Variants in DOK5 observed in about 807,000 individuals in gnomAD.
DOK5 encodes downstream of tyrosine kinase 5.
DOK5 carries 27 observed loss-of-function variants against 43.3 expected under a neutral mutation model. That is an observed-to-expected ratio of 0.62 (90% CI 0.46 to 0.86). The LOEUF (loss-of-function observed/expected upper bound fraction) is 0.86. Among genes scored for constraint, DOK5 ranks in the 40% least tolerant of loss-of-function variants. The pLI, the probability that DOK5 is intolerant of heterozygous loss-of-function variation, is 0.00. For synonymous variants in DOK5, 146 were observed against 140.1 expected, an observed-to-expected ratio of 1.04 and a Z score of -0.30; for missense variants, 373 against 392.9, an observed-to-expected ratio of 0.95 and a Z score of 0.43.
intron 1 of DOK5, among the ~76,000 whole-genome samples, chr20:54,530,560 C>T (rs1343727493): frequency 6.6e-6 from 1 of 152,170 alleles, no homozygotes; most frequent in Non-Finnish European, 1.5e-5. Context: ...TCTCTACTTC[C>T]CATGACCTGT....
intron 7 of DOK5, among the ~76,000 whole-genome samples, chr20:54,645,272 A>G (rs886556354): frequency 3.4e-5 from 5 of 148,066 alleles, no homozygotes; most frequent in Non-Finnish European, 7.5e-5. Context: ...TCAGTCCTCC[A>G]TGCCCGCTCT....
chr20:54,568,982 G>A (rs1487376790), intron 2 of DOK5, among the ~76,000 whole-genome samples: 6 of 35,906 alleles, frequency 1.7e-4, no homozygotes, highest in African/African-American at 3.1e-4. Flanking sequence ...GGACTAAAAC[G>A]CAAAAAAAAA....
chr20:54,642,722 GA>G (rs915787674), intron 6 of DOK5, among the ~76,000 whole-genome samples: 1 of 151,288 alleles, frequency 6.6e-6, no homozygotes, highest in East Asian at 1.9e-4. Flanking sequence ...GACTCCATCT[GA>G]AAAAAAACAA....
At chr20:54,551,842 GT>G (rs1984542133) in intron 1 of DOK5, among the ~76,000 whole-genome samples, 1 of 151,924 alleles carries the variant, frequency 6.6e-6, no homozygotes, top group African/African-American at 2.4e-5. Context: ...GTTTTGTTTT[GT>G]TTTTTTGGTA....
At chr20:54,476,712 A>G (rs747055509) in intron 1 of DOK5, among the ~76,000 whole-genome samples, 2 of 152,172 alleles carry the variant, frequency 1.3e-5, no homozygotes, top group Admixed American at 6.5e-5. Context: ...TGCTCCCTAC[A>G]TATGTCCTGA....
chr20:54,476,732 T>A (rs1981443291), intron 1 of DOK5, among the ~76,000 whole-genome samples: 1 of 152,152 alleles, frequency 6.6e-6, no homozygotes, highest in Non-Finnish European at 1.5e-5. Flanking sequence ...AAAGGAAGAA[T>A]GAATGAATCT....
At chr20:54,622,832 T>G (rs548393711) in intron 6 of DOK5, among the ~76,000 whole-genome samples, 2 of 152,100 alleles carry the variant, frequency 1.3e-5, no homozygotes, top group East Asian at 3.9e-4. Context: ...AAGAGAGAGA[T>G]AGAAATAGTG....
intron 2 of DOK5, among the ~76,000 whole-genome samples, chr20:54,571,179 T>C (rs1416397458): frequency 6.6e-6 from 1 of 152,234 alleles, no homozygotes; most frequent in East Asian, 1.9e-4. Context: ...AACCAAGAAC[T>C]GCATAGTAAT....
Position 54,646,978 on chromosome 20 carries a change from GAAT to G in DOK5, c.856+3404_856+3406del, listed in dbSNP as rs149957421. 4.0e-4 allele frequency among the ~76,000 whole-genome samples: 60 copies of G among 151,428 alleles called. No individual in the cohort carries two copies. The East Asian group carries it at 0.012, about 29-fold the overall frequency. On this transcript the variant is annotated intron_variant, in intron 7 of 7. Transcript: ENST00000262593. ...GGAGGAATTTAACAAATTGGTTTGA[GAAT>G]AATGGTCATTTTCTTCAAATGTAGT...
At chr20:54,573,097 T>C (rs776879335) in intron 2 of DOK5, among the ~76,000 whole-genome samples, 16 of 152,086 alleles carry the variant, frequency 1.1e-4, no homozygotes, top group Non-Finnish European at 2.1e-4. Context: ...GTGTTACTGA[T>C]AAATGCCAAA....
chr20:54,556,841 A>G (rs1366794091), intron 2 of DOK5, among the ~76,000 whole-genome samples: 1 of 152,158 alleles, frequency 6.6e-6, no homozygotes, highest in African/African-American at 2.4e-5. Flanking sequence ...AGAGTTCCAA[A>G]TATGTCTGGT....
chr20:54,568,040 T>G (rs1165851075), intron 2 of DOK5, among the ~76,000 whole-genome samples: 1 of 152,208 alleles, frequency 6.6e-6, no homozygotes, highest in Non-Finnish European at 1.5e-5. Context: ...TACCCCACAA[T>G]TATTTAACTA....
chr20:54,570,641 A>T (rs1015706225), intron 2 of DOK5, among the ~76,000 whole-genome samples: 1 of 152,088 alleles, frequency 6.6e-6, no homozygotes, highest in Non-Finnish European at 1.5e-5. Flanking sequence ...TGGAAATCTG[A>T]TCCTTTTTTT....
chr20:54,623,217 G>A (rs1987039555), intron 6 of DOK5, among the ~76,000 whole-genome samples: 1 of 152,190 alleles, frequency 6.6e-6, no homozygotes, highest in South Asian at 2.1e-4. Flanking sequence ...GGTGGATAGA[G>A]GCCAGGAGTG....
chr20:54,528,568 A>T (rs1239693162), intron 1 of DOK5, among the ~76,000 whole-genome samples: 1 of 152,188 alleles, frequency 6.6e-6, no homozygotes, highest in Non-Finnish European at 1.5e-5. Flanking sequence ...TCTCATTTTA[A>T]AAAAGCCTTC....
At chr20:54,517,430 T>C (rs1370925982) in intron 1 of DOK5, among the ~76,000 whole-genome samples, 1 of 152,196 alleles carries the variant, frequency 6.6e-6, no homozygotes, top group Admixed American at 6.5e-5. Flanking sequence ...GCAATTTGAA[T>C]TATACAGTCT....
intron 1 of DOK5, among the ~76,000 whole-genome samples, chr20:54,545,265 T>C (rs2146719766): frequency 6.6e-6 from 1 of 152,316 alleles, no homozygotes; most frequent in South Asian, 2.1e-4. Flanking sequence ...GGAGGGGCAT[T>C]ACCTGTGGGG....
chr20:54,605,012 AATATATATAT>A (rs1555835479), intron 5 of DOK5, among the ~76,000 whole-genome samples: 2 of 116,154 alleles, frequency 1.7e-5, no homozygotes, highest in African/African-American at 9.3e-5. Context: ...AAAAAAAAAA[AATATATATAT>A]ATACACACAC....
chr20:54,573,439 G>C (rs1985355518), intron 2 of DOK5, among the ~76,000 whole-genome samples: 1 of 152,144 alleles, frequency 6.6e-6, no homozygotes, highest in Non-Finnish European at 1.5e-5. Flanking sequence ...TGTAATCCCA[G>C]CACTTTGGGA....
Sources: allele counts gnomAD v4.1 joint callset (sites outside exome capture counted in the v4.1 genomes callset), GRCh38; gene constraint gnomAD v4.1.1; transcripts MANE v1.5; gene names NCBI Gene and HGNC (gene_info 2026-07-23, HGNC 2026-07-21).